Variants in CPEB2 observed in about 807,000 individuals in gnomAD.
CPEB2 encodes the protein cytoplasmic polyadenylation element-binding protein 2.
CPEB2 carries 56 observed loss-of-function variants against 93.6 expected under a neutral mutation model. The observed-to-expected ratio is 0.60, with a 90% CI of 0.48 to 0.75. The LOEUF (loss-of-function observed/expected upper bound fraction) is 0.75, where lower values mean the gene tolerates loss of function less well. Among genes scored for constraint, CPEB2 ranks in the 30% least tolerant of loss-of-function variants. The probability of loss-of-function intolerance (pLI) is 0.00; values close to 1 mark genes in which losing one functional copy is unlikely to be tolerated. For missense variants in CPEB2, 1,579 were observed against 1,395.1 expected (o/e 1.13, Z -2.10); for synonymous variants, 764 against 586.3 (o/e 1.30, Z -4.38).
chr4:15,033,279 C>A, intron 5 of CPEB2, 68 bp downstream of exon 5: 4 of 966,322 alleles, frequency 4.1e-6, no homozygotes, highest in Non-Finnish European at 6.6e-6. Context: ...ACATGTTTCT[C>A]TGAACCTGTC....
At chr4:15,045,991 A>G (rs1055997809) in intron 6 of CPEB2, among the ~76,000 whole-genome samples, 1 of 152,170 alleles carries the variant, frequency 6.6e-6, no homozygotes, top group Non-Finnish European at 1.5e-5. Context: ...GAATTTGTTT[A>G]TCCATTTTCC....
intron 4 of CPEB2, among the ~76,000 whole-genome samples, chr4:15,028,712 C>T (rs970514166): frequency 1.3e-5 from 2 of 150,618 alleles, no homozygotes; most frequent in African/African-American, 4.9e-5. Flanking sequence ...AAGCTTTGGT[C>T]GTATCTGGGC....
In CPEB2 at chr4:15,062,382, A is replaced by G. The variant is rs1023116660; in HGVS notation, c.2877+122A>G. The G allele has an allele frequency of 5.1e-6, 3 of 591,524 alleles. No homozygotes were observed. The African/African-American group carries it at 5.7e-5, about 11-fold the overall frequency. The allele number at this position is 591,524 out of a possible 1,614,324, so 36.6% of individuals were successfully genotyped here. A position where few individuals can be genotyped will look rare whatever the true frequency, so the allele number is the denominator to read the frequency against. On this transcript the variant is annotated intron_variant, in intron 11 of 11. Coordinates refer to ENST00000538197, the MANE Select transcript of CPEB2 (RefSeq NM_001177382.2). ...AATTTTTATACTTCTGTAAGTCTTA[A>G]AGGATATTATATAAAAATATCCTTG...
At chr4:15,063,137 A>G (rs764399289) in intron 11 of CPEB2, among the ~76,000 whole-genome samples, 3 of 152,022 alleles carry the variant, frequency 2.0e-5, no homozygotes, top group Non-Finnish European at 2.9e-5. Flanking sequence ...CTTTTCCCCA[A>G]TATAACAGTT....
chr4:15,018,924 C>A (rs1724478009), intron 4 of CPEB2, among the ~76,000 whole-genome samples: 2 of 127,390 alleles, frequency 1.6e-5, no homozygotes, highest in African/African-American at 3.0e-5. Context: ...CATTATAAGG[C>A]TAAGGGGAAT....
chr4:15,022,280 TAAAAC>T (rs1235112501), intron 4 of CPEB2, among the ~76,000 whole-genome samples: 1 of 152,078 alleles, frequency 6.6e-6, no homozygotes, highest in Non-Finnish European at 1.5e-5. Context: ...AAGTACAAAA[TAAAAC>T]AAATACCAAT....
intron 3 of CPEB2, among the ~76,000 whole-genome samples, chr4:15,016,632 G>A (rs1327056049): frequency 6.6e-6 from 1 of 151,894 alleles, no homozygotes. Context: ...CTAGGCATTA[G>A]TCCCTGTTCT....
chr4:15,040,905 A>C (rs1199301059), intron 6 of CPEB2, among the ~76,000 whole-genome samples: 2 of 152,170 alleles, frequency 1.3e-5, no homozygotes, highest in East Asian at 1.9e-4. Flanking sequence ...ATGTTGACCC[A>C]GTTGAAAATA....
chr4:15,004,429 GC>G, intron 1 of CPEB2, 94 bp downstream of exon 1: 1 of 961,354 alleles, frequency 1.0e-6, no homozygotes, highest in Non-Finnish European at 1.4e-6. Flanking sequence ...CCCGACCTTA[GC>G]CCCGAGAGAA....
intron 6 of CPEB2, among the ~76,000 whole-genome samples, chr4:15,044,908 C>T: frequency 6.6e-6 from 1 of 152,296 alleles, no homozygotes; most frequent in South Asian, 2.1e-4. Context: ...CTTATTACTT[C>T]ATTCATCTAT....
intron 5 of CPEB2, among the ~76,000 whole-genome samples, 174 bp from the exon 6 acceptor site, chr4:15,040,290 C>G (rs756045029): frequency 2.0e-5 from 3 of 152,032 alleles, no homozygotes; most frequent in Admixed American, 6.5e-5. Flanking sequence ...AAATAAAAGT[C>G]CTTTGTAGAA....
At chr4:15,007,059 C>T (rs1345199415) in intron 1 of CPEB2, among the ~76,000 whole-genome samples, 1 of 151,990 alleles carries the variant, frequency 6.6e-6, no homozygotes, top group East Asian at 1.9e-4. Flanking sequence ...CTGCATGGTT[C>T]TATTTTAGTA....
In CPEB2 at chr4:15,003,771, G is replaced by A. The variant is rs934448704; in HGVS notation, c.1098G>A (p.Gly366=). ...GGGGGPPGGG[G]GGGSASPPPL... is the part of the protein sequence containing the mutation. The stretch of plus-strand genomic sequence containing the variant: ...GCGGGGGGCCCCCAGGAGGCGGAGG[G>A]GGAGGCGGCTCCGCGTCGCCGCCGC... The change falls in exon 1 of 12, where the codon GGG becomes GGA. Residue 366 remains glycine, a synonymous_variant. Coordinates refer to ENST00000538197, the MANE Select transcript of CPEB2 (RefSeq NM_001177382.2). 4.2e-6 allele frequency: 5 copies of A among 1,186,444 alleles called. No homozygotes were observed. In the African/African-American group the frequency reaches 4.9e-5, roughly 12 times the overall value. 73.5% of individuals were successfully genotyped at this position (1,186,444 alleles called of 1,614,324 possible). A position where few individuals can be genotyped will look rare whatever the true frequency, so the allele number is the denominator to read the frequency against.
intron 6 of CPEB2, among the ~76,000 whole-genome samples, chr4:15,049,490 T>C (rs1443410310): frequency 6.6e-6 from 1 of 152,174 alleles, no homozygotes; most frequent in Non-Finnish European, 1.5e-5. Context: ...GTTTATCTTA[T>C]TCCTTTTAAA....
chr4:15,003,601 G>C lies in CPEB2; in HGVS notation c.928G>C (p.Ala310Pro), dbSNP rs1234750044. The C allele has an allele frequency of 7.7e-5, 113 of 1,476,758 alleles. No individual in the cohort carries two copies. The highest frequency in any genetic ancestry group is 9.1e-5 in the Non-Finnish European group (102 of 1,118,198). 91.5% of individuals were successfully genotyped at this position (1,476,758 alleles called of 1,614,324 possible). Residue 310 changes from alanine (A) to proline (P), a missense_variant, in exon 1 of 12, where the codon GCG becomes CCG. By Grantham distance (27) the Ala-to-Pro change is conservative. This residue lies in a region of CPEB2 where 1,411 missense variants were observed against 1,056.0 expected (regional missense o/e 1.34). Transcript: ENST00000538197. ...GLASSTPVNP[A>P]PGSMESPNHP... ...GGCCTCCTCGACGCCGGTGAACCCCGCGCCGGGCTCCATGGAGTCCCCCAA... is the reference window on the plus strand; with the variant it reads ...GGCCTCCTCGACGCCGGTGAACCCCCCGCCGGGCTCCATGGAGTCCCCCAA...
rs1727051439 is a variant in CPEB2, at chr4:15,040,396, A to T, written c.2177-68A>T. 25 of 1,450,250 alleles carry T rather than the reference A, an allele frequency of 1.7e-5. 1 individual carries two copies. The South Asian group carries it at 3.1e-4, about 18-fold the overall frequency. 89.8% of individuals were successfully genotyped at this position (1,450,250 alleles called of 1,614,324 possible). On this transcript the variant is annotated intron_variant, in intron 5 of 11. Coordinates refer to ENST00000538197, the MANE Select transcript of CPEB2 (RefSeq NM_001177382.2). ...ATGCCCACATAGCTTTTCGTATCAG[A>T]AATATTTGTATATGTGGGCTTATTT... is the stretch of plus-strand genomic sequence containing the variant.
chr4:15,017,193 A>T lies in CPEB2; in HGVS notation c.2040A>T (p.Arg680=). 1 of 1,572,164 alleles carries T rather than the reference A, an allele frequency of 6.4e-7. No homozygotes were observed. Among genetic ancestry groups the T allele is most frequent in the Non-Finnish European group, 8.7e-7 (1 of 1,144,720 alleles). Reference sequence around the variant, plus strand: ...TTTTTCCTCTTCTCTTCCAGGATCGAAGTAGAATGTATGACAGTTTGAATA... The same window carrying T: ...TTTTTCCTCTTCTCTTCCAGGATCGTAGTAGAATGTATGACAGTTTGAATA... ...AAGTSRIDQD[R]SRMYDSLNMH... is the part of the protein sequence containing the mutation. The change falls in exon 4 of 12, where the codon CGA becomes CGT. Residue 680 remains arginine (R), a synonymous_variant. Coordinates refer to ENST00000538197, the MANE Select transcript of CPEB2 (RefSeq NM_001177382.2).
chr4:15,007,801 G>A (rs1723022480), intron 2 of CPEB2, among the ~76,000 whole-genome samples: 1 of 152,182 alleles, frequency 6.6e-6, no homozygotes, highest in Non-Finnish European at 1.5e-5. Context: ...AATAAGCTTA[G>A]TAAAACGTAG....
chr4:15,016,895 A>G (rs1724214881), intron 3 of CPEB2, among the ~76,000 whole-genome samples: 1 of 151,998 alleles, frequency 6.6e-6, no homozygotes, highest in African/African-American at 2.4e-5. Flanking sequence ...AGGAAACTTT[A>G]TAGAGAAAAG....
Sources: gnomAD v4.1 joint callset for allele counts (sites outside exome capture counted in the v4.1 genomes callset) on GRCh38, gnomAD v4.1.1 for gene constraint, gnomAD v4.1.1 regional missense constraint, MANE v1.5 for transcripts, NCBI Gene and HGNC (gene_info 2026-07-23, HGNC 2026-07-21) for gene names.